SLC9A9: variants seen among roughly 807,000 people sequenced by gnomAD.
SLC9A9 encodes solute carrier family 9 member A9, also known as sodium/hydrogen exchanger 9.
A neutral mutation model predicts 77.8 loss-of-function variants in SLC9A9; 62 were observed. The observed-to-expected ratio is 0.80, with a 90% CI of 0.65 to 0.98. The LOEUF is 0.98. Ranked by LOEUF, SLC9A9 falls within the 50% of genes least tolerant of loss-of-function variation. The pLI, the probability that SLC9A9 is intolerant of heterozygous loss-of-function variation, is 0.00. For synonymous variants in SLC9A9, 320 were observed against 283.5 expected, an observed-to-expected ratio of 1.13 and a Z score of -1.29; for missense variants, 775 against 774.9, an observed-to-expected ratio of 1.00 and a Z score of 0.00.
intron 6 of SLC9A9, among the ~76,000 whole-genome samples, chr3:143,636,260 G>A: frequency 6.6e-6 from 1 of 152,186 alleles, no homozygotes; most frequent in East Asian, 1.9e-4. Flanking sequence ...TTTTTAAGAT[G>A]CTATTATGAA....
rs149300608 is a variant in SLC9A9, at chr3:143,837,723, C to G, written c.176-5502G>C. ...TGTTCTCACTCTCCCTGCTGATAAC[C>G]GGTTTGGAATGGGTATGTGACCCTA... On this transcript the variant is annotated intron_variant, in intron 1 of 15. Coordinates refer to ENST00000316549, the MANE Select transcript of SLC9A9 (RefSeq NM_173653.4). 1.8e-4 allele frequency among the ~76,000 whole-genome samples: 27 copies of G among 152,252 alleles called. No homozygotes were observed. In the East Asian group the frequency reaches 5.2e-3, roughly 29 times the overall value.
intron 11 of SLC9A9, among the ~76,000 whole-genome samples, chr3:143,482,123 T>C (rs1308212788): frequency 6.6e-6 from 1 of 152,146 alleles, no homozygotes; most frequent in African/African-American, 2.4e-5. Context: ...AGAACAGTGC[T>C]CCACAAAACT....
intron 6 of SLC9A9, among the ~76,000 whole-genome samples, chr3:143,609,956 CTATTTGAT>C (rs1559992000): frequency 6.6e-6 from 1 of 152,052 alleles, no homozygotes. Flanking sequence ...ATATGAAAAG[CTATTTGAT>C]TATATTCAAA....
Position 143,422,240 on chromosome 3 carries a change from G to C in SLC9A9, c.1470-40126C>G, listed in dbSNP as rs142563639. ...ACCAAATGGTTATCCCAGCAATCCT[G>C]TTACTAGGTATGTATCCAAAGGAAA... is the stretch of plus-strand genomic sequence containing the variant. On this transcript the variant is annotated intron_variant, in intron 12 of 15. Transcript: ENST00000316549. Among the ~76,000 whole-genome samples the C allele has an allele frequency of 2.4e-3, 362 of 152,192 alleles. 1 individual carries two copies. Among genetic ancestry groups the C allele is most frequent in the African/African-American group, 8.1e-3 (338 of 41,558 alleles).
chr3:143,347,002 A>G (rs1229831620), intron 14 of SLC9A9: 1 of 152,232 alleles, frequency 6.6e-6, no homozygotes, highest in Admixed American at 6.5e-5. Flanking sequence ...AAAGAGAAGC[A>G]GATGAAAGGA....
intron 11 of SLC9A9, among the ~76,000 whole-genome samples, chr3:143,475,646 G>A (rs1236293237): frequency 6.6e-6 from 1 of 152,024 alleles, no homozygotes; most frequent in East Asian, 1.9e-4. Context: ...CAAAAAATTA[G>A]CTGGGCGTGG....
intron 2 of SLC9A9, among the ~76,000 whole-genome samples, chr3:143,808,815 T>C (rs1334114315): frequency 1.3e-5 from 2 of 152,168 alleles, no homozygotes; most frequent in Admixed American, 6.5e-5. Flanking sequence ...AAGAATTAAA[T>C]GAATTAATAT....
At chr3:143,722,159 T>C (rs111968571) in intron 4 of SLC9A9, among the ~76,000 whole-genome samples, 3,936 of 152,232 alleles carry the variant, frequency 0.026, 89 homozygotes, top group African/African-American at 0.061. Flanking sequence ...CTTAATCCAG[T>C]AGTTTTTTTG....
At chr3:143,406,425 T>C (rs1476844265) in intron 12 of SLC9A9, among the ~76,000 whole-genome samples, 1 of 151,632 alleles carries the variant, frequency 6.6e-6, no homozygotes, top group Non-Finnish European at 1.5e-5. Flanking sequence ...TCGCCCAAGG[T>C]GGAGTGCAAT....
At chr3:143,738,099 C>A (rs1934989339) in intron 4 of SLC9A9, among the ~76,000 whole-genome samples, 1 of 152,174 alleles carries the variant, frequency 6.6e-6, no homozygotes, top group African/African-American at 2.4e-5. Flanking sequence ...CACTGATATG[C>A]TGCATGCAAT....
intron 9 of SLC9A9, among the ~76,000 whole-genome samples, chr3:143,545,423 A>G (rs969638652): frequency 6.6e-6 from 1 of 152,126 alleles, no homozygotes; most frequent in Non-Finnish European, 1.5e-5. Flanking sequence ...GTGCATGTGT[A>G]TGTCTTCTGC....
intron 5 of SLC9A9, among the ~76,000 whole-genome samples, chr3:143,665,198 AC>A (rs1369167525): frequency 2.6e-5 from 4 of 152,238 alleles, no homozygotes; most frequent in Admixed American, 2.6e-4. Context: ...AAACCGCTCA[AC>A]TACATGGAAA....
intron 9 of SLC9A9, chr3:143,517,670 C>T (rs1041562801): frequency 2.5e-6 from 4 of 1,597,408 alleles, no homozygotes; most frequent in Non-Finnish European, 2.5e-6. Flanking sequence ...TTTCGCCCGC[C>T]ACTTGTAAGG....
chr3:143,521,660 C>G (rs1477790924), intron 9 of SLC9A9, among the ~76,000 whole-genome samples: 2 of 151,892 alleles, frequency 1.3e-5, no homozygotes, highest in African/African-American at 4.8e-5. Flanking sequence ...TCTTATGTCT[C>G]CTCTGTGTAG....
At chr3:143,451,161 T>C (rs1382774650) in intron 12 of SLC9A9, among the ~76,000 whole-genome samples, 1 of 151,600 alleles carries the variant, frequency 6.6e-6, no homozygotes, top group African/African-American at 2.4e-5. Context: ...GCAAGAGTGT[T>C]ATTAAAAAAA....
At chr3:143,324,952 C>G (rs949173281) in intron 14 of SLC9A9, among the ~76,000 whole-genome samples, 38 of 152,090 alleles carry the variant, frequency 2.5e-4, no homozygotes, top group African/African-American at 8.2e-4. Context: ...AAAATAATGT[C>G]AGTTCCCTGA....
chr3:143,846,990 A>T (rs1194045353), intron 1 of SLC9A9, among the ~76,000 whole-genome samples: 1 of 152,180 alleles, frequency 6.6e-6, no homozygotes, highest in Non-Finnish European at 1.5e-5. Flanking sequence ...TCAGCATATC[A>T]GCCTCCTGAG....
At chr3:143,683,475 G>C (rs1016880023) in intron 5 of SLC9A9, among the ~76,000 whole-genome samples, 3 of 152,124 alleles carry the variant, frequency 2.0e-5, no homozygotes, top group African/African-American at 7.2e-5. Flanking sequence ...GATTAAAGGA[G>C]AACGCAGAGA....
At chr3:143,803,571 A>T (rs1402882314) in intron 2 of SLC9A9, among the ~76,000 whole-genome samples, 1 of 152,098 alleles carries the variant, frequency 6.6e-6, no homozygotes, top group Non-Finnish European at 1.5e-5. Flanking sequence ...TGGATAGAGG[A>T]TCTTTGCTGG....
Sources: allele counts gnomAD v4.1 joint callset (sites outside exome capture counted in the v4.1 genomes callset), GRCh38; gene constraint gnomAD v4.1.1; transcripts MANE v1.5; gene names NCBI Gene and HGNC (gene_info 2026-07-23, HGNC 2026-07-21).